The following ONECUT3 variants were observed in gnomAD, a reference collection of about 807,000 sequenced individuals.
ONECUT3 encodes one cut domain family member 3.
In ONECUT3, 11 loss-of-function variants were observed where a neutral mutation model predicts 16.8. That is an observed-to-expected ratio of 0.66 (90% CI 0.41 to 1.09). The LOEUF (loss-of-function observed/expected upper bound fraction) is 1.09. Among genes scored for constraint, ONECUT3 ranks in the 50% least tolerant of loss-of-function variants. ONECUT3 has a pLI of 0.00. For missense variants in ONECUT3, 637 were observed against 629.9 expected, an observed-to-expected ratio of 1.01 and a Z score of -0.12; for synonymous variants, 344 against 310.7, an observed-to-expected ratio of 1.11 and a Z score of -1.13.
intron 1 of ONECUT3, among the ~76,000 whole-genome samples, chr19:1,768,819 G>A (rs1196712707): frequency 6.6e-6 from 1 of 150,662 alleles, no homozygotes; most frequent in Admixed American, 6.6e-5. Flanking sequence ...GGAAGGTGGA[G>A]GTGATGGAGG....
rs548148047 is a variant in ONECUT3 at position 1,756,392 on chromosome 19, A to C, written c.1192+1538A>C. On this transcript the variant is annotated intron_variant, in intron 1 of 1. Coordinates refer to ENST00000382349, the MANE Select transcript of ONECUT3 (RefSeq NM_001080488.2). ...GAGGTCCGGGAACCTGGACGATTTCAGTCTGTCCTGCTCCCCTCCCCATGA... is the reference window on the plus strand; with the variant it reads ...GAGGTCCGGGAACCTGGACGATTTCCGTCTGTCCTGCTCCCCTCCCCATGA... Among the ~76,000 whole-genome samples the C allele has an allele frequency of 4.4e-3, 674 of 152,312 alleles. 3 individuals are homozygous for C. Among genetic ancestry groups the C allele is most frequent in the Non-Finnish European group, 7.2e-3 (493 of 68,012 alleles).
Position 1,776,155 on chromosome 19 carries a change from G to T in ONECUT3, c.*710G>T, listed in dbSNP as rs2068106498. The T allele has an allele frequency of 6.6e-6, 1 of 152,064 alleles. No individual in the cohort carries two copies. 9.4% of individuals were successfully genotyped at this position (152,064 alleles called of 1,614,324 possible). ...CTGCGGCGGGCGCCCAGCACCTACG[G>T]GCGAGCACCCTTCCCACCCCATCCC... On this transcript the variant is annotated 3_prime_UTR_variant, in exon 2 of 2. Coordinates refer to ENST00000382349, the MANE Select transcript of ONECUT3 (RefSeq NM_001080488.2). The surrounding 1 kb of genome is among the most constrained non-coding windows in gnomAD (Gnocchi z 4.9).
chr19:1,755,649 C>T lies in ONECUT3; in HGVS notation c.1192+795C>T, dbSNP rs181214243. 1.7e-4 allele frequency among the ~76,000 whole-genome samples: 26 copies of T among 152,326 alleles called. No individual in the cohort carries two copies. Among genetic ancestry groups the T allele is most frequent in the Non-Finnish European group, 3.5e-4 (24 of 68,024 alleles). ...TGTGTCTCTCATGTCCACTTCTCTC[C>T]TCTCTCGGTCGGAACACACTGGTAT... is the stretch of plus-strand genomic sequence containing the variant. On this transcript the variant is annotated intron_variant, in intron 1 of 1. Coordinates refer to ENST00000382349, the MANE Select transcript of ONECUT3 (RefSeq NM_001080488.2). The surrounding 1 kb of genome is among the most constrained non-coding windows in gnomAD (Gnocchi z 7.5).
At position 1,759,155 on chromosome 19, in the gene ONECUT3, T is replaced by C. The variant is rs994595925; in HGVS notation, c.1192+4301T>C. 6.6e-6 allele frequency among the ~76,000 whole-genome samples: 1 copy of C among 151,944 alleles called. No individual in the cohort carries two copies. The highest frequency in any genetic ancestry group is 1.5e-5 in the Non-Finnish European group (1 of 67,990). The stretch of plus-strand genomic sequence containing the variant: ...GTGTCCTAGGGACAAAAACCAGAGC[T>C]GTGTATGGAGTTGCATGCTGAGGGC... On this transcript the variant is annotated intron_variant, in intron 1 of 1. Transcript: ENST00000382349. The surrounding 1 kb of genome is among the most constrained non-coding windows in gnomAD (Gnocchi z 4.1).
chr19:1,753,826 A>ACGGCGG lies in ONECUT3; in HGVS notation c.180_185dup (p.Gly63_Gly64dup), dbSNP rs949075864. The ACGGCGG allele has an allele frequency of 3.1e-5, 30 of 957,894 alleles. No individual in the cohort carries two copies. The highest frequency in any genetic ancestry group is 6.5e-5 in the Admixed American group (1 of 15,434). 59.3% of individuals were successfully genotyped at this position (957,894 alleles called of 1,614,324 possible). ...GTGGCCGGCATGGCGAGCCTGCTGG[A>ACGGCGG]CGGCGGCGGCGGCGGCGGCGGTGGG... On this transcript the variant is annotated inframe_insertion, in exon 1 of 2. Coordinates refer to ENST00000382349, the MANE Select transcript of ONECUT3 (RefSeq NM_001080488.2).
At chr19:1,775,088 C>G in intron 1 of ONECUT3, 65 bp from the exon 2 acceptor site, 1 of 1,161,610 alleles carries the variant, frequency 8.6e-7, no homozygotes, top group Non-Finnish European at 1.2e-6. Context: ...CCTCCTGCCT[C>G]TCCCCGGCCG....
At chr19:1,767,551 C>A (rs1427933550) in intron 1 of ONECUT3, among the ~76,000 whole-genome samples, 1 of 152,174 alleles carries the variant, frequency 6.6e-6, no homozygotes, top group Non-Finnish European at 1.5e-5. Context: ...CCCAGTCCAG[C>A]CCCCTTTCCC....
At position 1,759,709 on chromosome 19, in the gene ONECUT3, A is replaced by G. The variant is rs1288637466; in HGVS notation, c.1192+4855A>G. Among the ~76,000 whole-genome samples, 1 of 152,204 alleles carries G rather than the reference A, an allele frequency of 6.6e-6. No individual in the cohort carries two copies. Among genetic ancestry groups the G allele is most frequent in the African/African-American group, 2.4e-5 (1 of 41,448 alleles). ...GCTCTGTCCCTGGCTGATCCCTGGCAAAAGGACTTGAGCCTCAGTTTTCTT... is the reference window on the plus strand; with the variant it reads ...GCTCTGTCCCTGGCTGATCCCTGGCGAAAGGACTTGAGCCTCAGTTTTCTT... On this transcript the variant is annotated intron_variant, in intron 1 of 1. Coordinates refer to ENST00000382349, the MANE Select transcript of ONECUT3 (RefSeq NM_001080488.2). This position sits in a 1 kb window ranked among gnomAD's most constrained non-coding sequence, Gnocchi z 4.1.
intron 1 of ONECUT3, among the ~76,000 whole-genome samples, chr19:1,773,116 C>T (rs188018477): frequency 5.8e-4 from 88 of 152,220 alleles, no homozygotes; most frequent in Non-Finnish European, 9.0e-4. Context: ...TTTTACTTAA[C>T]AGCATCCTGT....
In ONECUT3 at chr19:1,754,562, G is replaced by A. The variant is rs2067906682; in HGVS notation, c.900G>A (p.Gly300=). 1 of 1,078,062 alleles carries A rather than the reference G, an allele frequency of 9.3e-7. No homozygotes were observed. The highest frequency in any genetic ancestry group is 1.7e-5 in the African/African-American group (1 of 58,878). 66.8% of individuals were successfully genotyped at this position (1,078,062 alleles called of 1,614,324 possible). A position where few individuals can be genotyped will look rare whatever the true frequency, so the allele number is the denominator to read the frequency against. Residue 300 remains glycine (G), a synonymous_variant, in exon 1 of 2, where the codon GGG becomes GGA. Transcript: ENST00000382349. This position sits in a 1 kb window ranked among gnomAD's most constrained non-coding sequence, Gnocchi z 7.4. Reference sequence around the variant, plus strand: ...CGGCCGGGGCGCACGGGCCGCACGGGGGAGGCGGCGGCCCCGGCGGGAGCG... The same window carrying A: ...CGGCCGGGGCGCACGGGCCGCACGGAGGAGGCGGCGGCCCCGGCGGGAGCG... The part of the protein sequence containing the change: ...LAAAGAHGPH[G]GGGGPGGSGG...
rs10597490 is a variant in ONECUT3 at position 1,777,499 on chromosome 19, CCT to C, written c.*2055_*2056del. The C allele has an allele frequency of 0.26, 39,293 of 151,948 alleles. 5,307 individuals carry two copies. Among genetic ancestry groups the C allele is most frequent in the East Asian group, 0.42 (2,151 of 5,144 alleles). The allele number at this position is 151,948 out of a possible 1,614,324, so 9.4% of individuals were successfully genotyped here. On this transcript the variant is annotated 3_prime_UTR_variant, in exon 2 of 2. Coordinates refer to ENST00000382349, the MANE Select transcript of ONECUT3 (RefSeq NM_001080488.2). ...GCACACACACATACACACACTGGCC[CCT>C]GTTTTTCTGTGGTGTCACTGGGTGC... is the stretch of plus-strand genomic sequence containing the variant.
Position 1,766,767 on chromosome 19 carries a change from CT to C in ONECUT3, c.1193-8385del. ...CCCACCCGGCGCTCCAGGGCAGTGG[CT>C]ACTGGTCTTCCGCAGCAGGGTCTTG... On this transcript the variant is annotated intron_variant, in intron 1 of 1. Coordinates refer to ENST00000382349, the MANE Select transcript of ONECUT3 (RefSeq NM_001080488.2). This position sits in a 1 kb window ranked among gnomAD's most constrained non-coding sequence, Gnocchi z 4.0. Among the ~76,000 whole-genome samples, 1 of 152,034 alleles carries C rather than the reference CT, an allele frequency of 6.6e-6. No individual in the cohort carries two copies. Among genetic ancestry groups the C allele is most frequent in the Non-Finnish European group, 1.5e-5 (1 of 68,006 alleles).
At position 1,754,017 on chromosome 19, in the gene ONECUT3, G is replaced by A; in HGVS notation, c.355G>A (p.Ala119Thr). The A allele has an allele frequency of 3.0e-6, 3 of 992,588 alleles. No individual in the cohort carries two copies. Among genetic ancestry groups the A allele is most frequent in the East Asian group, 1.1e-4 (1 of 9,382 alleles). 61.5% of individuals were successfully genotyped at this position (992,588 alleles called of 1,614,324 possible). The change falls in exon 1 of 2, where the codon GCC becomes ACC. Residue 119 changes from alanine (A) to threonine (T), a missense_variant. Physicochemically the swap from Ala to Thr is moderately conservative, Grantham distance 58. Transcript: ENST00000382349. This position sits in a 1 kb window ranked among gnomAD's most constrained non-coding sequence, Gnocchi z 7.4. Reference protein sequence around the residue: ...TPLQHLPPLAAVADKFHQHAA... With the variant: ...TPLQHLPPLATVADKFHQHAA... ...CCTGCAGCACCTGCCGCCGCTCGCG[G>A]CCGTGGCCGACAAGTTCCACCAGCA...
Position 1,759,625 on chromosome 19 carries a change from C to T in ONECUT3, c.1192+4771C>T, listed in dbSNP as rs919052994. On this transcript the variant is annotated intron_variant, in intron 1 of 1. Transcript: ENST00000382349. The surrounding 1 kb of genome is among the most constrained non-coding windows in gnomAD (Gnocchi z 4.1). Reference sequence around the variant, plus strand: ...GACACCCCCAGAAAAATATGCCCCACGCCACTAGACAGTAGAGATAACCAA... The same window carrying T: ...GACACCCCCAGAAAAATATGCCCCATGCCACTAGACAGTAGAGATAACCAA... Among the ~76,000 whole-genome samples, 29 of 152,332 alleles carry T rather than the reference C, an allele frequency of 1.9e-4. No individual in the cohort carries two copies. The highest frequency in any genetic ancestry group is 3.4e-3 in the Middle Eastern group (1 of 294).
rs2067906017 is a variant in ONECUT3, at chr19:1,754,479, G to A, written c.817G>A (p.Gly273Ser). ...CGGAGGCGGCGGCGGCACAGGCAGCGGCGGAGCGGGCAGCGGGAGCGCCGC... is the reference window on the plus strand; with the variant it reads ...CGGAGGCGGCGGCGGCACAGGCAGCAGCGGAGCGGGCAGCGGGAGCGCCGC... Reference protein sequence around the residue: ...LPGGGGGTGSGGAGSGSAAGL... With the variant: ...LPGGGGGTGSSGAGSGSAAGL... Residue 273 changes from glycine (G) to serine (S), a missense_variant, in exon 1 of 2, where the codon GGC becomes AGC. Physicochemically the swap from Gly to Ser is moderately conservative, Grantham distance 56. Around this residue, in one of 3 missense-constraint regions of ONECUT3, gnomAD observed 419 missense variants for 377.9 expected, o/e 1.11. Coordinates refer to ENST00000382349, the MANE Select transcript of ONECUT3 (RefSeq NM_001080488.2). The surrounding 1 kb of genome is among the most constrained non-coding windows in gnomAD (Gnocchi z 7.4). The A allele has an allele frequency of 1.0e-6, 1 of 982,654 alleles. No homozygotes were observed. Among genetic ancestry groups the A allele is most frequent in the Non-Finnish European group, 1.2e-6 (1 of 829,778 alleles). The allele number at this position is 982,654 out of a possible 1,614,324, so 60.9% of individuals were successfully genotyped here. A position where few individuals can be genotyped will look rare whatever the true frequency, so the allele number is the denominator to read the frequency against.
intron 1 of ONECUT3, among the ~76,000 whole-genome samples, chr19:1,763,604 C>T (rs1292689088): frequency 3.3e-5 from 5 of 151,950 alleles, no homozygotes; most frequent in African/African-American, 4.8e-5. Flanking sequence ...ACGCATTCGC[C>T]AGTTTCCGAA....
In ONECUT3 at chr19:1,764,623, G is replaced by A. The variant is rs1302742754; in HGVS notation, c.1192+9769G>A. Among the ~76,000 whole-genome samples, 4 of 152,092 alleles carry A rather than the reference G, an allele frequency of 2.6e-5. No individual in the cohort carries two copies. The highest frequency in any genetic ancestry group is 5.9e-5 in the Non-Finnish European group (4 of 68,004). ...GGGTCCACGCCTGGGGCATGACTCA[G>A]CCCCATCTCCTTGGAGAAGGTTCCA... On this transcript the variant is annotated intron_variant, in intron 1 of 1. Transcript: ENST00000382349. This position sits in a 1 kb window ranked among gnomAD's most constrained non-coding sequence, Gnocchi z 5.0.
In ONECUT3 at chr19:1,754,060, T is replaced by C; in HGVS notation, c.398T>C (p.Val133Ala). 2 of 993,116 alleles carry C rather than the reference T, an allele frequency of 2.0e-6. No individual in the cohort carries two copies. The highest frequency in any genetic ancestry group is 3.5e-5 in the African/African-American group (2 of 56,378). 61.5% of individuals were successfully genotyped at this position (993,116 alleles called of 1,614,324 possible). ...CACCAGCACGCGGCGGCCGCGGCCG[T>C]GGCCGGGGCGCACGGCGGCCATCCC... ...KFHQHAAAAA[V>A]AGAHGGHPHA... Residue 133 changes from valine to alanine, a missense_variant, in exon 1 of 2, where the codon GTG (valine) becomes GCG (alanine). Transcript: ENST00000382349. This position sits in a 1 kb window ranked among gnomAD's most constrained non-coding sequence, Gnocchi z 7.4.
chr19:1,768,998 ATGGTGGAGGTGGTGG>A (rs2068024843), intron 1 of ONECUT3, among the ~76,000 whole-genome samples: 1 of 91,850 alleles, frequency 1.1e-5, no homozygotes. Flanking sequence ...GGTGGAGGTG[ATGGTGGAGGTGGTGG>A]AGGTGGAAGT....
Sources: gnomAD v4.1 joint callset for allele counts (sites outside exome capture counted in the v4.1 genomes callset) on GRCh38, gnomAD v4.1.1 for gene constraint, gnomAD v4.1.1 regional missense constraint, Gnocchi (gnomAD v3.1) non-coding constraint, MANE v1.5 for transcripts, NCBI Gene and HGNC (gene_info 2026-07-23, HGNC 2026-07-21) for gene names.